The following MYOM2 variants were observed in gnomAD, a reference collection of about 807,000 sequenced individuals.
MYOM2 encodes the protein myomesin-2.
Under a neutral mutation model 187.6 loss-of-function variants are expected in MYOM2, and 254 were observed. The observed-to-expected ratio is 1.35, with a 90% CI of 1.22 to 1.50. MYOM2 has a LOEUF of 1.50. MYOM2 is among the 40% of genes most tolerant of loss of function. The probability of loss-of-function intolerance (pLI) is 0.00; values close to 1 mark genes in which losing one functional copy is unlikely to be tolerated. For missense variants in MYOM2, 2,796 were observed against 1,924.0 expected (o/e 1.45, Z -8.48); for synonymous variants, 981 against 753.8 (o/e 1.30, Z -4.94).
Position 2,052,140 on chromosome 8 carries a change from G to T in MYOM2, c.108-18G>T, listed in dbSNP as rs139836664. On this transcript the variant is annotated intron_variant, in intron 2 of 36. Transcript: ENST00000262113. ...GTGCCTGAGCATGCATCTCCTAATC[G>T]TGTCCATGTTCCTGAAGGCGAGCTT... The T allele has an allele frequency of 1.2e-6, 2 of 1,612,618 alleles. No individual in the cohort carries two copies. Among genetic ancestry groups the T allele is most frequent in the Non-Finnish European group, 1.7e-6 (2 of 1,179,478 alleles).
chr8:2,112,074 G>A (rs919787474), intron 25 of MYOM2, among the ~76,000 whole-genome samples: 4 of 152,150 alleles, frequency 2.6e-5, no homozygotes, highest in South Asian at 2.1e-4. Context: ...GGGAGCTTGG[G>A]CGGTCCTCTT....
chr8:2,070,433 G>A (rs867981379), intron 8 of MYOM2, among the ~76,000 whole-genome samples: 7 of 152,122 alleles, frequency 4.6e-5, no homozygotes, highest in Non-Finnish European at 1.0e-4. Flanking sequence ...TCCAACACTC[G>A]GTGAGCCCCC....
chr8:2,102,764 T>C lies in MYOM2; in HGVS notation c.2717T>C (p.Leu906Pro). 1.2e-6 allele frequency: 2 copies of C among 1,613,654 alleles called. No individual in the cohort carries two copies. Among genetic ancestry groups the C allele is most frequent in the Non-Finnish European group, 1.7e-6 (2 of 1,179,564 alleles). The change falls in exon 21 of 37, where the codon CTG (leucine) becomes CCG (proline). Residue 906 changes from leucine (L) to proline (P), a missense_variant. Transcript: ENST00000262113. Reference protein sequence around the residue: ...GKPSDTSEPVLVEARPGTKEI... With the variant: ...GKPSDTSEPVPVEARPGTKEI... Reference sequence around the variant, plus strand: ...CCCTCAGACACGTCGGAGCCTGTGCTGGTAGAGGCGAGACCAGGTAAGGCT... The same window carrying C: ...CCCTCAGACACGTCGGAGCCTGTGCCGGTAGAGGCGAGACCAGGTAAGGCT...
At chr8:2,117,062 C>G (rs1403930178) in intron 27 of MYOM2, among the ~76,000 whole-genome samples, 1 of 152,104 alleles carries the variant, frequency 6.6e-6, no homozygotes, top group African/African-American at 2.4e-5. Context: ...TGCGCCCAGC[C>G]TCAAAAAACA....
chr8:2,052,681 C>T (rs1818532533), intron 3 of MYOM2, among the ~76,000 whole-genome samples: 1 of 152,164 alleles, frequency 6.6e-6, no homozygotes, highest in Non-Finnish European at 1.5e-5. Flanking sequence ...CCAGACAGAG[C>T]AGGATAAGCA....
At chr8:2,098,496 G>C (rs1219857221) in intron 18 of MYOM2, among the ~76,000 whole-genome samples, 1 of 152,176 alleles carries the variant, frequency 6.6e-6, no homozygotes, top group Non-Finnish European at 1.5e-5. Flanking sequence ...CTGAGTGCCT[G>C]TTTCCTCGAA....
Position 2,116,595 on chromosome 8 carries a change from C to T in MYOM2, c.3385+320C>T, listed in dbSNP as rs118155174. On this transcript the variant is annotated intron_variant, in intron 27 of 36. Transcript: ENST00000262113. ...AAGGCAGTAGAGGCTATTCCTATCACCAGGAAATTGCTCATTCTACTTAAG... is the reference window on the plus strand; with the variant it reads ...AAGGCAGTAGAGGCTATTCCTATCATCAGGAAATTGCTCATTCTACTTAAG... 4.4e-4 allele frequency among the ~76,000 whole-genome samples: 67 copies of T among 152,214 alleles called. 6 individuals are homozygous for T. The East Asian group carries it at 0.013, about 29-fold the overall frequency.
At position 2,073,544 on chromosome 8, in the gene MYOM2, C is replaced by T. The variant is rs781699494; in HGVS notation, c.1120+44C>T. The T allele has an allele frequency of 1.1e-5, 17 of 1,535,332 alleles. No homozygotes were observed. The Admixed American group carries it at 2.1e-4, about 19-fold the overall frequency. On this transcript the variant is annotated intron_variant, in intron 10 of 36. Transcript: ENST00000262113. ...TCAGGGTGCAGACCTTGTGTGTGCC[C>T]GGGGAGGGGAGGCAGCCCTGGGAGG...
chr8:2,096,535 C>T (rs374972741), intron 18 of MYOM2, 101 bp downstream of exon 18: 28 of 1,112,252 alleles, frequency 2.5e-5, no homozygotes, highest in South Asian at 1.3e-4. Context: ...TTGATACAGA[C>T]ACAAAAATGG....
intron 32 of MYOM2, among the ~76,000 whole-genome samples, chr8:2,132,663 T>C (rs995369382): frequency 2.6e-5 from 4 of 152,176 alleles, no homozygotes; most frequent in African/African-American, 9.7e-5. Context: ...TCTAGCTCAC[T>C]GTAGCCCTGA....
In MYOM2 at chr8:2,057,604, T is replaced by C; in HGVS notation, c.403-19T>C. ...GGCTCGCTGCCTGGGAACCTGACCA[T>C]CCTTGCTTCTCGGGGCAGATGGAGG... On this transcript the variant is annotated intron_variant, in intron 4 of 36. Coordinates refer to ENST00000262113, the MANE Select transcript of MYOM2 (RefSeq NM_003970.4). 6.2e-7 allele frequency: 1 copy of C among 1,613,718 alleles called. No individual in the cohort carries two copies. The highest frequency in any genetic ancestry group is 8.5e-7 in the Non-Finnish European group (1 of 1,179,788).
At chr8:2,101,601 C>T (rs1198950024) in intron 20 of MYOM2, among the ~76,000 whole-genome samples, 1 of 152,154 alleles carries the variant, frequency 6.6e-6, no homozygotes, top group Non-Finnish European at 1.5e-5. Flanking sequence ...TCCATTCACA[C>T]CAACATGCTG....
chr8:2,140,506 T>C (rs1239747335), intron 32 of MYOM2, among the ~76,000 whole-genome samples: 2 of 152,266 alleles, frequency 1.3e-5, no homozygotes, highest in Non-Finnish European at 1.5e-5. Flanking sequence ...TACATAATAA[T>C]ATACCTTTAA....
At chr8:2,083,628 C>A (rs1819710714) in intron 13 of MYOM2, among the ~76,000 whole-genome samples, 1 of 152,178 alleles carries the variant, frequency 6.6e-6, no homozygotes, top group Non-Finnish European at 1.5e-5. Flanking sequence ...CATTTGTTTT[C>A]CCTCGGCTCC....
At chr8:2,119,195 G>A (rs979542790) in intron 28 of MYOM2, 1 of 152,356 alleles carries the variant, frequency 6.6e-6, no homozygotes, top group African/African-American at 2.4e-5. Flanking sequence ...ATGAGATATC[G>A]TGTGTGGATT....
intron 25 of MYOM2, among the ~76,000 whole-genome samples, chr8:2,113,044 G>C (rs1377593274): frequency 6.6e-6 from 1 of 152,220 alleles, no homozygotes; most frequent in Non-Finnish European, 1.5e-5. Context: ...CCCAATTCCA[G>C]CTGAGATCGA....
At chr8:2,048,420 A>G (rs1005829785) in intron 1 of MYOM2, among the ~76,000 whole-genome samples, 2 of 152,276 alleles carry the variant, frequency 1.3e-5, no homozygotes, top group Non-Finnish European at 2.9e-5. Context: ...ACTCATTGGA[A>G]AATCCCAGTG....
At chr8:2,051,101 TG>T (rs1585814254) in intron 2 of MYOM2, among the ~76,000 whole-genome samples, 1 of 151,958 alleles carries the variant, frequency 6.6e-6, no homozygotes, top group Non-Finnish European at 1.5e-5. Flanking sequence ...CTGATCGAGG[TG>T]GGGAGGCAGG....
intron 1 of MYOM2, among the ~76,000 whole-genome samples, chr8:2,046,784 G>A (rs539056328): frequency 1.3e-5 from 2 of 151,204 alleles, no homozygotes; most frequent in Non-Finnish European, 2.9e-5. Flanking sequence ...TGTGTAGGGG[G>A]TATTTAACAC....
Sources: allele counts gnomAD v4.1 joint callset (sites outside exome capture counted in the v4.1 genomes callset), GRCh38; gene constraint gnomAD v4.1.1; transcripts MANE v1.5; gene names NCBI Gene and HGNC (gene_info 2026-07-23, HGNC 2026-07-21).